GABBR2: variants seen among roughly 807,000 people sequenced by gnomAD.
GABBR2 encodes G-protein coupled receptor 51.
In GABBR2, 23 loss-of-function variants were observed where a neutral mutation model predicts 105.6. The ratio of observed to expected loss-of-function variants is 0.22; its 90% CI spans 0.16 to 0.31. The LOEUF (loss-of-function observed/expected upper bound fraction) is 0.31. Ranked by LOEUF, GABBR2 falls within the 10% of genes least tolerant of loss-of-function variation. GABBR2 has a pLI of 1.00. For synonymous variants in GABBR2, 478 were observed against 499.7 expected (o/e 0.96, Z 0.58); for missense variants, 734 against 1,245.5 (o/e 0.59, Z 6.18).
intron 1 of GABBR2, among the ~76,000 whole-genome samples, chr9:98,690,231 C>T (rs1235646234): frequency 6.6e-6 from 1 of 152,020 alleles, no homozygotes; most frequent in Non-Finnish European, 1.5e-5. Flanking sequence ...GGAGCAGGTG[C>T]CTTTCCCCAT....
At position 98,388,262 on chromosome 9, in the gene GABBR2, T is replaced by C. The variant is rs1290843686; in HGVS notation, c.1529+592A>G. On this transcript the variant is annotated intron_variant, in intron 10 of 18. Coordinates refer to ENST00000259455, the MANE Select transcript of GABBR2 (RefSeq NM_005458.8). This position sits in a 1 kb window ranked among gnomAD's most constrained non-coding sequence, Gnocchi z 4.4. ...AACCAAGAAGACAGTCTGCCACGAGTGGACAGCAGCACTCTGTCGCTGAAC... is the reference window on the plus strand; with the variant it reads ...AACCAAGAAGACAGTCTGCCACGAGCGGACAGCAGCACTCTGTCGCTGAAC... Among the ~76,000 whole-genome samples, 2 of 151,940 alleles carry C rather than the reference T, an allele frequency of 1.3e-5. No homozygotes were observed. The highest frequency in any genetic ancestry group is 2.4e-5 in the African/African-American group (1 of 41,334).
At chr9:98,594,623 G>T (rs759841602) in intron 1 of GABBR2, among the ~76,000 whole-genome samples, 2 of 152,160 alleles carry the variant, frequency 1.3e-5, no homozygotes, top group African/African-American at 2.4e-5. Context: ...GAAGCCCCTC[G>T]GCAGGACCCC....
chr9:98,685,611 G>C (rs764915985), intron 1 of GABBR2, among the ~76,000 whole-genome samples: 1 of 152,182 alleles, frequency 6.6e-6, no homozygotes. Flanking sequence ...CTCCAAATGG[G>C]CAGGTCTTCT....
intron 1 of GABBR2, among the ~76,000 whole-genome samples, chr9:98,691,107 C>T (rs776488879): frequency 6.6e-6 from 1 of 152,158 alleles, no homozygotes; most frequent in Non-Finnish European, 1.5e-5. Flanking sequence ...TCTTCAAGAC[C>T]CTGAGTCATT....
At chr9:98,570,387 G>A (rs1828813562) in intron 2 of GABBR2, among the ~76,000 whole-genome samples, 1 of 152,178 alleles carries the variant, frequency 6.6e-6, no homozygotes, top group Non-Finnish European at 1.5e-5. Flanking sequence ...GTTTTCCTAC[G>A]AGCAGCCCTT....
intron 1 of GABBR2, among the ~76,000 whole-genome samples, chr9:98,608,482 T>C: frequency 6.6e-6 from 1 of 152,234 alleles, no homozygotes; most frequent in East Asian, 1.9e-4. Context: ...AAAAGGACTC[T>C]GGAAGGTTTT....
chr9:98,658,197 C>T (rs377700623), intron 1 of GABBR2, among the ~76,000 whole-genome samples: 6 of 152,306 alleles, frequency 3.9e-5, no homozygotes, highest in African/African-American at 1.4e-4. Flanking sequence ...AACACCAAAA[C>T]CCAAGGTCTA....
chr9:98,522,330 TATA>T (rs1371056147), intron 3 of GABBR2, among the ~76,000 whole-genome samples: 1 of 152,070 alleles, frequency 6.6e-6, no homozygotes, highest in Non-Finnish European at 1.5e-5. Context: ...TAATTAAAGA[TATA>T]ATAAAAGAAA....
chr9:98,643,214 C>T (rs1260159510), intron 1 of GABBR2, among the ~76,000 whole-genome samples: 1 of 152,248 alleles, frequency 6.6e-6, no homozygotes, highest in Admixed American at 6.5e-5. Context: ...CCCTGCCAGC[C>T]ACTGCTGTGA....
At position 98,627,510 on chromosome 9, in the gene GABBR2, G is replaced by T. The variant is rs575241096; in HGVS notation, c.322-49438C>A. Among the ~76,000 whole-genome samples the T allele has an allele frequency of 3.3e-5, 5 of 152,358 alleles. No individual in the cohort carries two copies. The South Asian group carries it at 1.0e-3, about 32-fold the overall frequency. The stretch of plus-strand genomic sequence containing the variant: ...CATGTGAAAGACTGCATTCCAGAGG[G>T]CTTTGTAAGCTGTCCCCACTCGGGT... On this transcript the variant is annotated intron_variant, in intron 1 of 18. Coordinates refer to ENST00000259455, the MANE Select transcript of GABBR2 (RefSeq NM_005458.8).
chr9:98,635,983 T>C lies in GABBR2; in HGVS notation c.322-57911A>G, dbSNP rs567738018. On this transcript the variant is annotated intron_variant, in intron 1 of 18. Transcript: ENST00000259455. ...CACCATGCACCCGGTTCTGACTCCA[T>C]GCATCAAAGTGGAGCCTGGACTTCT... Among the ~76,000 whole-genome samples, 3 of 152,244 alleles carry C rather than the reference T, an allele frequency of 2.0e-5. 1 individual carries two copies. Among genetic ancestry groups the C allele is most frequent in the Non-Finnish European group, 2.9e-5 (2 of 68,022 alleles).
chr9:98,380,444 T>G (rs1447547951), intron 11 of GABBR2, among the ~76,000 whole-genome samples: 6 of 152,240 alleles, frequency 3.9e-5, no homozygotes, highest in Admixed American at 2.0e-4. Flanking sequence ...CCCCACCTGC[T>G]GGACTCCTTG....
chr9:98,621,000 A>T (rs540221331), intron 1 of GABBR2, among the ~76,000 whole-genome samples: 1 of 152,300 alleles, frequency 6.6e-6, no homozygotes, highest in South Asian at 2.1e-4. Flanking sequence ...GCAATGGCTC[A>T]GTGGGGGAAA....
In GABBR2 at chr9:98,303,425, T is replaced by C; in HGVS notation, c.2230-2A>G. The C allele has an allele frequency of 6.2e-7, 1 of 1,613,704 alleles. No homozygotes were observed. Among genetic ancestry groups the C allele is most frequent in the Non-Finnish European group, 8.5e-7 (1 of 1,179,714 alleles). ...TGGGTTTGTTCTCAGGGTGATGAGC[T>C]GAAAGGACAAAGGTTGGGGCGGGGT... On this transcript the variant is annotated splice_acceptor_variant, in intron 15 of 18. Coordinates refer to ENST00000259455, the MANE Select transcript of GABBR2 (RefSeq NM_005458.8). LOFTEE classifies it high-confidence loss of function.
chr9:98,680,337 G>T (rs1387090716), intron 1 of GABBR2, among the ~76,000 whole-genome samples: 1 of 151,680 alleles, frequency 6.6e-6, no homozygotes, highest in Non-Finnish European at 1.5e-5. Context: ...ACAGAGTCTC[G>T]CTCTGTCATC....
intron 13 of GABBR2, among the ~76,000 whole-genome samples, chr9:98,357,132 A>T (rs191420121): frequency 2.0e-5 from 3 of 152,340 alleles, no homozygotes; most frequent in Non-Finnish European, 4.4e-5. Context: ...TAGAACAGTG[A>T]ACCCTAATGT....
chr9:98,633,720 C>T (rs1337853882), intron 1 of GABBR2, among the ~76,000 whole-genome samples: 1 of 152,020 alleles, frequency 6.6e-6, no homozygotes, highest in Non-Finnish European at 1.5e-5. Flanking sequence ...CAAGTCGGAC[C>T]CCAACTGCAG....
chr9:98,650,020 C>G (rs887449810), intron 1 of GABBR2, among the ~76,000 whole-genome samples: 9 of 152,222 alleles, frequency 5.9e-5, no homozygotes, highest in Non-Finnish European at 1.0e-4. Context: ...AGAGGTCTCT[C>G]CTTCCATTAC....
intron 17 of GABBR2, among the ~76,000 whole-genome samples, chr9:98,298,716 C>T (rs941776685): frequency 1.3e-5 from 2 of 152,056 alleles, no homozygotes; most frequent in African/African-American, 2.4e-5. Flanking sequence ...CCTTGGCCTC[C>T]CAAAATGCTG....
Sources: allele counts gnomAD v4.1 joint callset (sites outside exome capture counted in the v4.1 genomes callset), GRCh38; gene constraint gnomAD v4.1.1; non-coding constraint Gnocchi (gnomAD v3.1); transcripts MANE v1.5; gene names NCBI Gene and HGNC (gene_info 2026-07-23, HGNC 2026-07-21).